Variants in OOSP1 observed in about 807,000 individuals in gnomAD.
OOSP1 encodes putative oocyte-secreted protein 1 homolog.
OOSP1 carries 11 observed loss-of-function variants against 5.7 expected under a neutral mutation model. The observed-to-expected ratio is 1.94, with a 90% CI of 1.22 to 3.20. OOSP1 has a LOEUF of 3.20. Among genes scored for constraint, OOSP1 ranks in the 30% most tolerant of loss-of-function variants. The probability of loss-of-function intolerance (pLI) is 0.00; values close to 1 mark genes in which losing one functional copy is unlikely to be tolerated. For missense variants in OOSP1, 83 were observed against 54.1 expected, an observed-to-expected ratio of 1.53 and a Z score of -1.67; for synonymous variants, 44 against 20.0, an observed-to-expected ratio of 2.20 and a Z score of -3.20.
At chr11:59,939,481 GCCT>G (rs1190842987) in intron 1 of OOSP1, among the ~76,000 whole-genome samples, 1 of 151,928 alleles carries the variant, frequency 6.6e-6, no homozygotes, top group Non-Finnish European at 1.5e-5. Flanking sequence ...CAAACTCCTG[GCCT>G]CAAGTGATCT....
At chr11:59,952,894 C>T (rs1590894207) in intron 4 of OOSP1, among the ~76,000 whole-genome samples, 3 of 152,052 alleles carry the variant, frequency 2.0e-5, no homozygotes, top group African/African-American at 7.2e-5. Context: ...GATTTCTGCC[C>T]CACCTTTGCC....
chr11:59,957,359 A>G (rs973840215), exon 5 of OOSP1: 5 of 394,892 alleles, frequency 1.3e-5, no homozygotes, highest in Non-Finnish European at 2.2e-5. Flanking sequence ...GTTTGGAGAG[A>G]ACATTAAATG....
intron 3 of OOSP1, among the ~76,000 whole-genome samples, chr11:59,947,344 A>G (rs1358475409): frequency 6.6e-6 from 1 of 151,866 alleles, no homozygotes; most frequent in Non-Finnish European, 1.5e-5. Context: ...GCCGATCTTG[A>G]ACTTCTGGGT....
intron 1 of OOSP1, among the ~76,000 whole-genome samples, chr11:59,941,432 T>A (rs1590890234): frequency 6.6e-6 from 1 of 151,552 alleles, no homozygotes; most frequent in Admixed American, 6.6e-5. Flanking sequence ...CAGGCTGGAG[T>A]GCAGTGGCAC....
chr11:59,955,601 C>T (rs1430998609), intron 4 of OOSP1, among the ~76,000 whole-genome samples: 3 of 151,858 alleles, frequency 2.0e-5, no homozygotes, highest in Non-Finnish European at 4.4e-5. Flanking sequence ...ACACAGTGTG[C>T]CAAGTTTAAT....
At chr11:59,940,351 C>T (rs75157410) in intron 1 of OOSP1, among the ~76,000 whole-genome samples, 1 of 152,180 alleles carries the variant, frequency 6.6e-6, no homozygotes, top group South Asian at 2.1e-4. Context: ...GTTGAAGTCC[C>T]TGTGGTCATT....
At chr11:59,938,986 C>T (rs756203610) in intron 1 of OOSP1, among the ~76,000 whole-genome samples, 2 of 152,114 alleles carry the variant, frequency 1.3e-5, no homozygotes, top group Non-Finnish European at 2.9e-5. Flanking sequence ...AGTCAGTGCC[C>T]CCTAAGTGAG....
At chr11:59,953,100 A>G (rs1853957257) in intron 4 of OOSP1, among the ~76,000 whole-genome samples, 1 of 151,790 alleles carries the variant, frequency 6.6e-6, no homozygotes, top group Non-Finnish European at 1.5e-5. Context: ...TCCTCCAGTG[A>G]GTTTGATTTT....
At chr11:59,954,629 TTATC>T (rs55633618) in intron 4 of OOSP1, among the ~76,000 whole-genome samples, 9,015 of 148,288 alleles carry the variant, frequency 0.061, 453 homozygotes, top group African/African-American at 0.14. Flanking sequence ...TGAAGGGACT[TTATC>T]TATCTATCTA....
At chr11:59,954,637 C>CTATCTATA (rs1479650741) in intron 4 of OOSP1, among the ~76,000 whole-genome samples, 6 of 146,142 alleles carry the variant, frequency 4.1e-5, no homozygotes, top group African/African-American at 1.6e-4. Context: ...CTTTATCTAT[C>CTATCTATA]TATCTATCTA....
intron 4 of OOSP1, among the ~76,000 whole-genome samples, chr11:59,949,528 C>T (rs1374330708): frequency 1.3e-5 from 2 of 151,910 alleles, no homozygotes; most frequent in Admixed American, 6.6e-5. Flanking sequence ...ATGGGAACAG[C>T]TGATGTAAAG....
At chr11:59,955,467 A>G (rs1265397762) in intron 4 of OOSP1, among the ~76,000 whole-genome samples, 2 of 152,224 alleles carry the variant, frequency 1.3e-5, no homozygotes, top group Non-Finnish European at 2.9e-5. Context: ...AACAAAGAAT[A>G]AGCCCAATTA....
chr11:59,943,086 C>G lies in OOSP1; in HGVS notation c.258+58C>G, dbSNP rs1255894894. On this transcript the variant is annotated intron_variant, in intron 2 of 4. Coordinates refer to ENST00000646685, the Ensembl canonical transcript of OOSP1. ...TGTCCAGGTGTGTGATGTTCCCCTT[C>G]CTGTGTCCATGTGTTCTCATTGCTC... is the stretch of plus-strand genomic sequence containing the variant. 4 of 685,180 alleles carry G rather than the reference C, an allele frequency of 5.8e-6. No homozygotes were observed. The East Asian group carries it at 1.1e-4, about 19-fold the overall frequency. The allele number at this position is 685,180 out of a possible 1,614,324, so 42.4% of individuals were successfully genotyped here.
rs1167179198 is a variant in OOSP1 at position 59,946,826 on chromosome 11, C to CT, written c.357-892dup. Among the ~76,000 whole-genome samples the CT allele has an allele frequency of 7.3e-3, 939 of 128,970 alleles. 10 individuals carry two copies. The highest frequency in any genetic ancestry group is 0.022 in the African/African-American group (799 of 35,674). 84.6% of individuals were successfully genotyped at this position (128,970 alleles called of 152,430 possible). A position where few individuals can be genotyped will look rare whatever the true frequency, so the allele number is the denominator to read the frequency against. ...CAGGATTTGTGGGTTAAGATTGGGT[C>CT]TTTTTTTTTTTTTTTATTAATTGAC... is the stretch of plus-strand genomic sequence containing the variant. On this transcript the variant is annotated intron_variant, in intron 3 of 4. Transcript: ENST00000646685.
At chr11:59,946,190 G>A (rs1355024066) in intron 3 of OOSP1, among the ~76,000 whole-genome samples, 2 of 152,184 alleles carry the variant, frequency 1.3e-5, no homozygotes, top group East Asian at 3.8e-4. Flanking sequence ...ATTCTCATAG[G>A]AGCACGAACC....
At chr11:59,955,095 C>G (rs1480498308) in intron 4 of OOSP1, among the ~76,000 whole-genome samples, 1 of 151,732 alleles carries the variant, frequency 6.6e-6, no homozygotes, top group Non-Finnish European at 1.5e-5. Flanking sequence ...ATTTGCATAC[C>G]TTCTGGGAAG....
intron 1 of OOSP1, among the ~76,000 whole-genome samples, chr11:59,940,033 T>C (rs940459077): frequency 6.6e-6 from 1 of 152,222 alleles, no homozygotes; most frequent in Non-Finnish European, 1.5e-5. Flanking sequence ...AGCCACTGCT[T>C]CCTGCCTGGG....
chr11:59,946,450 A>G (rs1359942531), intron 3 of OOSP1, among the ~76,000 whole-genome samples: 1 of 152,218 alleles, frequency 6.6e-6, no homozygotes, highest in African/African-American at 2.4e-5. Flanking sequence ...TGGGGATTAC[A>G]ATGAACATGA....
intron 3 of OOSP1, among the ~76,000 whole-genome samples, chr11:59,946,824 G>T (rs1275600708): frequency 6.7e-6 from 1 of 149,172 alleles, no homozygotes; most frequent in East Asian, 2.0e-4. Context: ...TTAAGATTGG[G>T]TCTTTTTTTT....
Sources: gnomAD v4.1 joint callset for allele counts (sites outside exome capture counted in the v4.1 genomes callset) on GRCh38, gnomAD v4.1.1 for gene constraint, MANE v1.5 for transcripts, NCBI Gene and HGNC (gene_info 2026-07-23, HGNC 2026-07-21) for gene names.